Variants in MAML3 observed in about 807,000 individuals in gnomAD.
MAML3 encodes the protein mastermind like transcriptional coactivator 3, also known as mastermind-like protein 3.
In MAML3, 27 loss-of-function variants were observed where a neutral mutation model predicts 101.9. The ratio of observed to expected loss-of-function variants is 0.27; its 90% confidence interval spans 0.20 to 0.37. The LOEUF is 0.37. Ranked by LOEUF, MAML3 falls within the 10% of genes least tolerant of loss-of-function variation. The pLI, the probability that MAML3 is intolerant of heterozygous loss-of-function variation, is 1.00. For synonymous variants in MAML3, 501 were observed against 555.9 expected, an observed-to-expected ratio of 0.90 and a Z score of 1.39; for missense variants, 1,316 against 1,444.9, an observed-to-expected ratio of 0.91 and a Z score of 1.45.
intron 1 of MAML3, among the ~76,000 whole-genome samples, chr4:139,934,846 C>A (rs187695777): frequency 6.6e-6 from 1 of 152,274 alleles, no homozygotes; most frequent in African/African-American, 2.4e-5. Context: ...GTGCAAGATT[C>A]TCTTTTTGCA....
chr4:139,991,390 C>CA (rs1184384001), intron 1 of MAML3, among the ~76,000 whole-genome samples: 1 of 152,106 alleles, frequency 6.6e-6, no homozygotes, highest in Admixed American at 6.5e-5. Flanking sequence ...ACACCTTATA[C>CA]AAAAATTAAT....
At chr4:140,069,394 AG>A (rs1727595653) in intron 1 of MAML3, among the ~76,000 whole-genome samples, 1 of 100,744 alleles carries the variant, frequency 9.9e-6, no homozygotes, top group Non-Finnish European at 2.0e-5. Context: ...AAGGAGGAGG[AG>A]GAGGAGGAGG....
At chr4:139,984,912 C>A (rs1441456858) in intron 1 of MAML3, among the ~76,000 whole-genome samples, 1 of 152,184 alleles carries the variant, frequency 6.6e-6, no homozygotes, top group Non-Finnish European at 1.5e-5. Context: ...AGCAGTATAG[C>A]TCCATCAAGT....
chr4:140,109,018 A>T (rs192354299), intron 1 of MAML3, among the ~76,000 whole-genome samples: 4 of 152,334 alleles, frequency 2.6e-5, no homozygotes, highest in Admixed American at 2.6e-4. Context: ...TGCATGGCTA[A>T]ATGAGAACTA....
intron 2 of MAML3, among the ~76,000 whole-genome samples, chr4:139,828,732 T>TTAAA (rs1553959123): frequency 1.4e-5 from 2 of 144,448 alleles, no homozygotes; most frequent in African/African-American, 2.6e-5. Flanking sequence ...TTTTTTTTTT[T>TTAAA]AAAAACATAG....
intron 2 of MAML3, among the ~76,000 whole-genome samples, chr4:139,840,127 G>A (rs1731335670): frequency 6.6e-6 from 1 of 152,184 alleles, no homozygotes; most frequent in Non-Finnish European, 1.5e-5. Context: ...AAAAGACCTG[G>A]ATGGAGACTG....
Position 140,049,039 on chromosome 4 carries a change from C to T in MAML3, c.468+103821G>A, listed in dbSNP as rs137925156. On this transcript the variant is annotated intron_variant, in intron 1 of 4. Transcript: ENST00000509479. ...GGAGCAAAGCAGATATGCAGGTCAA[C>T]AGACGTCTTTATTCAGAGTTTGAGC... Among the ~76,000 whole-genome samples, 475 of 152,292 alleles carry T rather than the reference C, an allele frequency of 3.1e-3. 1 individual carries two copies. The highest frequency in any genetic ancestry group is 0.012 in the South Asian group (57 of 4,826).
chr4:140,112,944 G>A (rs920473852), intron 1 of MAML3, among the ~76,000 whole-genome samples: 2 of 152,116 alleles, frequency 1.3e-5, no homozygotes, highest in South Asian at 2.1e-4. Flanking sequence ...GGGGAGTTTC[G>A]AGTTTTGTAG....
intron 2 of MAML3, chr4:139,888,510 A>G (rs1732385051): frequency 3.9e-6 from 2 of 518,640 alleles, no homozygotes; most frequent in Non-Finnish European, 7.7e-6. Flanking sequence ...AACAAATGTT[A>G]TATTAAAGGA....
At chr4:140,056,498 C>T (rs1395407163) in intron 1 of MAML3, among the ~76,000 whole-genome samples, 2 of 151,644 alleles carry the variant, frequency 1.3e-5, no homozygotes, top group Non-Finnish European at 2.9e-5. Flanking sequence ...TTTTTGTATT[C>T]TCCTAGAGTC....
chr4:139,997,769 C>T (rs950617650), intron 1 of MAML3, among the ~76,000 whole-genome samples: 2 of 150,704 alleles, frequency 1.3e-5, no homozygotes, highest in Non-Finnish European at 3.0e-5. Context: ...TTTTTAAATT[C>T]GGGATGTCTT....
At chr4:140,048,533 G>T (rs955722847) in intron 1 of MAML3, among the ~76,000 whole-genome samples, 1 of 152,040 alleles carries the variant, frequency 6.6e-6, no homozygotes, top group African/African-American at 2.4e-5. Context: ...AACTTAACTG[G>T]AATCTGTTTT....
At chr4:139,827,233 G>A (rs1173919608) in intron 2 of MAML3, among the ~76,000 whole-genome samples, 2 of 152,132 alleles carry the variant, frequency 1.3e-5, no homozygotes, top group Admixed American at 6.6e-5. Flanking sequence ...CAGAAAAAAC[G>A]GCATTGGATT....
chr4:140,120,918 A>G (rs1208323726), intron 1 of MAML3, among the ~76,000 whole-genome samples: 2 of 152,182 alleles, frequency 1.3e-5, no homozygotes, highest in African/African-American at 2.4e-5. Flanking sequence ...GTTTTATGGA[A>G]AATGTACTTC....
At chr4:140,106,197 A>G (rs902784593) in intron 1 of MAML3, among the ~76,000 whole-genome samples, 2 of 150,782 alleles carry the variant, frequency 1.3e-5, no homozygotes, top group East Asian at 3.9e-4. Flanking sequence ...TTAATTTTCC[A>G]TTTCCTGTTT....
At chr4:139,724,862 G>A (rs892780480) in intron 4 of MAML3, among the ~76,000 whole-genome samples, 4 of 150,854 alleles carry the variant, frequency 2.7e-5, no homozygotes, top group East Asian at 2.0e-4. Flanking sequence ...GGGTTCAAGC[G>A]ATTCTTGTGC....
intron 1 of MAML3, among the ~76,000 whole-genome samples, chr4:139,998,065 C>CTATA (rs1003190937): frequency 2.6e-5 from 4 of 152,118 alleles, no homozygotes; most frequent in African/African-American, 9.7e-5. Context: ...GAGTGTTTGA[C>CTATA]TATATTTCTT....
At chr4:139,825,480 C>T (rs958955424) in intron 2 of MAML3, among the ~76,000 whole-genome samples, 2 of 152,138 alleles carry the variant, frequency 1.3e-5, no homozygotes, top group East Asian at 1.9e-4. Context: ...AAGATAGTCC[C>T]GTCTATCATG....
At chr4:139,967,469 G>GACACACACACACACACACAC (rs4057112) in intron 1 of MAML3, among the ~76,000 whole-genome samples, 3 of 141,562 alleles carry the variant, frequency 2.1e-5, no homozygotes, top group African/African-American at 7.9e-5. Flanking sequence ...CTTTTTAAGG[G>GACACACACACACACACACAC]ACACACACAC....
Sources: gnomAD v4.1 joint callset for allele counts (sites outside exome capture counted in the v4.1 genomes callset) on GRCh38, gnomAD v4.1.1 for gene constraint, MANE v1.5 for transcripts, NCBI Gene and HGNC (gene_info 2026-07-23, HGNC 2026-07-21) for gene names.